The following ZNF410 variants were observed in gnomAD, a reference collection of about 807,000 sequenced individuals.
ZNF410 encodes the protein another partner for ARF 1.
Under a neutral mutation model 54.8 loss-of-function variants are expected in ZNF410, and 18 were observed. That is an observed-to-expected ratio of 0.33 (90% CI 0.23 to 0.49). The LOEUF (loss-of-function observed/expected upper bound fraction) is 0.49. ZNF410 is among the 20% of genes least tolerant of loss of function. The pLI is 0.99. For synonymous variants in ZNF410, 191 were observed against 207.3 expected (o/e 0.92, Z 0.68); for missense variants, 405 against 569.6 (o/e 0.71, Z 2.94).
chr14:73,932,214 A>G lies in ZNF410; in HGVS notation c.*673A>G, dbSNP rs1046999810. 1 of 335,518 alleles carries G rather than the reference A, an allele frequency of 3.0e-6. No homozygotes were observed. The highest frequency in any genetic ancestry group is 5.8e-6 in the Non-Finnish European group (1 of 173,350). The allele number at this position is 335,518 out of a possible 1,614,324, so 20.8% of individuals were successfully genotyped here. ...AGGGATTTCATGTTTTTGTTTTTTT[A>G]AAGTTAAAAATTACATGATGCAGAG... On this transcript the variant is annotated 3_prime_UTR_variant, in exon 12 of 12. Transcript: ENST00000555044.
At chr14:73,903,867 T>C in intron 5 of ZNF410, 93 bp from the exon 6 acceptor site, 2 of 1,477,104 alleles carry the variant, frequency 1.4e-6, no homozygotes, top group East Asian at 2.3e-5. Context: ...TGATTAATGA[T>C]CACTAGGAGT....
intron 2 of ZNF410, chr14:73,893,429 C>T (rs1392419598): frequency 5.9e-6 from 1 of 169,640 alleles, no homozygotes. Context: ...AGGCTGCAAA[C>T]CTATACAGCA....
chr14:73,899,161 T>C (rs2055367481), intron 5 of ZNF410, among the ~76,000 whole-genome samples: 1 of 147,048 alleles, frequency 6.8e-6, no homozygotes, highest in Non-Finnish European at 1.5e-5. Flanking sequence ...TATATGCTTA[T>C]TATTATTTTT....
chr14:73,907,812 G>A (rs982204939), intron 7 of ZNF410, among the ~76,000 whole-genome samples: 2 of 151,764 alleles, frequency 1.3e-5, no homozygotes, highest in Non-Finnish European at 2.9e-5. Context: ...AGAATCGCTT[G>A]AACCCAGGAG....
At chr14:73,929,637 G>C (rs2055882482) in intron 11 of ZNF410, among the ~76,000 whole-genome samples, 1 of 152,038 alleles carries the variant, frequency 6.6e-6, no homozygotes, top group African/African-American at 2.4e-5. Flanking sequence ...AGGAGTTTGA[G>C]ACCAGCCTGG....
Position 73,923,523 on chromosome 14 carries a change from G to A in ZNF410, c.1398+1G>A. The A allele has an allele frequency of 6.2e-7, 1 of 1,611,914 alleles. No individual in the cohort carries two copies. The highest frequency in any genetic ancestry group is 1.3e-5 in the African/African-American group (1 of 74,972). ...CTTAACTGCAGTAAATCCACAAGAG[G>A]TAAAGTGGTCTCTTGCCCTTTGTTT... On this transcript the variant is annotated splice_donor_variant, in intron 11 of 11. Coordinates refer to ENST00000555044, the MANE Select transcript of ZNF410 (RefSeq NM_021188.3). LOFTEE classifies it high-confidence loss of function.
At chr14:73,897,213 G>GTAGA (rs1271402764) in intron 4 of ZNF410, among the ~76,000 whole-genome samples, 1 of 152,184 alleles carries the variant, frequency 6.6e-6, no homozygotes, top group Non-Finnish European at 1.5e-5. Flanking sequence ...GGTAGCTGAG[G>GTAGA]TAGAGGCCAG....
chr14:73,897,672 T>C (rs2055340216), intron 4 of ZNF410, among the ~76,000 whole-genome samples: 1 of 151,978 alleles, frequency 6.6e-6, no homozygotes, highest in African/African-American at 2.4e-5. Context: ...ATAGCTTATT[T>C]AGGACATGGA....
intron 5 of ZNF410, among the ~76,000 whole-genome samples, chr14:73,902,582 A>G (rs968645732): frequency 1.1e-4 from 16 of 152,154 alleles, no homozygotes; most frequent in Admixed American, 2.6e-4. Flanking sequence ...AGGGGCTGTG[A>G]TAGGCACAAC....
At chr14:73,903,138 T>C (rs2055432809) in intron 5 of ZNF410, among the ~76,000 whole-genome samples, 1 of 152,180 alleles carries the variant, frequency 6.6e-6, no homozygotes, top group Admixed American at 6.5e-5. Context: ...TTTTTGTTTG[T>C]TTGTTTTTGA....
In ZNF410 at chr14:73,904,005, C is replaced by G. The variant is rs2055445367; in HGVS notation, c.626C>G (p.Ser209Cys). ...TCTGGTGATGGGCAGTCAAAAGATT[C>G]TGGGCCCCTTCCTCAAGTGGAAAAG... is the stretch of plus-strand genomic sequence containing the variant. Reference protein sequence around the residue: ...LGSGDGQSKDSGPLPQVEKKL... With the variant: ...LGSGDGQSKDCGPLPQVEKKL... The change falls in exon 6 of 12, where the codon TCT becomes TGT. Residue 209 changes from serine (S) to cysteine (C), a missense_variant. By Grantham distance (112) the Ser-to-Cys change is moderately radical (BLOSUM62 -1). Around this residue, in one of 3 missense-constraint regions of ZNF410, gnomAD observed 247 missense variants for 342.8 expected, o/e 0.72. Coordinates refer to ENST00000555044, the MANE Select transcript of ZNF410 (RefSeq NM_021188.3). 3 of 1,614,196 alleles carry G rather than the reference C, an allele frequency of 1.9e-6. No homozygotes were observed. Among genetic ancestry groups the G allele is most frequent in the Non-Finnish European group, 2.5e-6 (3 of 1,180,044 alleles).
At chr14:73,906,046 T>C (rs2055485794) in intron 7 of ZNF410, among the ~76,000 whole-genome samples, 1 of 150,162 alleles carries the variant, frequency 6.7e-6, no homozygotes, top group East Asian at 2.0e-4. Flanking sequence ...GTTGCCAGGC[T>C]GGAGTGCAGT....
intron 3 of ZNF410, among the ~76,000 whole-genome samples, chr14:73,895,696 G>A (rs2055306805): frequency 6.6e-6 from 1 of 152,176 alleles, no homozygotes; most frequent in Non-Finnish European, 1.5e-5. Flanking sequence ...CGGGCGTGGT[G>A]GCTCATGCCT....
intron 5 of ZNF410, among the ~76,000 whole-genome samples, chr14:73,899,271 C>CT (rs1368723322): frequency 2.9e-3 from 418 of 145,532 alleles, no homozygotes; most frequent in Non-Finnish European, 4.6e-3. Flanking sequence ...TTTTTTTGGT[C>CT]TTTTTTTTTC....
intron 8 of ZNF410, chr14:73,916,873 T>G (rs1260901184): frequency 1.3e-5 from 2 of 151,838 alleles, no homozygotes; most frequent in African/African-American, 4.8e-5. Flanking sequence ...CCCAGCTACT[T>G]GAAAGGCTGA....
intron 5 of ZNF410, among the ~76,000 whole-genome samples, chr14:73,899,091 T>C (rs998097049): frequency 2.0e-5 from 3 of 152,162 alleles, no homozygotes; most frequent in Non-Finnish European, 4.4e-5. Context: ...GCTATCATTA[T>C]CACAAACTAA....
At chr14:73,919,894 T>G (rs963784975) in intron 8 of ZNF410, among the ~76,000 whole-genome samples, 1 of 145,708 alleles carries the variant, frequency 6.9e-6, no homozygotes, top group African/African-American at 2.5e-5. Context: ...AGGTTTTTTT[T>G]TTTTTTTTTT....
At chr14:73,905,350 A>G in intron 7 of ZNF410, 1 of 336,224 alleles carries the variant, frequency 3.0e-6, no homozygotes, top group Non-Finnish European at 5.4e-6. Flanking sequence ...CTCAGACAAC[A>G]ATGATGTGGG....
chr14:73,922,098 G>A lies in ZNF410; in HGVS notation c.1162G>A (p.Glu388Lys). The change falls in exon 10 of 12, where the codon GAG (glutamate) becomes AAG (lysine). Residue 388 changes from glutamate (E) to lysine (K), a missense_variant. Physicochemically the swap from Glu to Lys is moderately conservative, Grantham distance 56. Transcript: ENST00000555044. ...EPLMGSSLLE[E>K]ASVPSKNLVS... ...ACTAATGGGCAGTAGTTTGCTTGAAGAGGCTTCAGTACCCAGTAAAAACCT... is the reference window on the plus strand; with the variant it reads ...ACTAATGGGCAGTAGTTTGCTTGAAAAGGCTTCAGTACCCAGTAAAAACCT... The A allele has an allele frequency of 6.2e-7, 1 of 1,614,102 alleles. No individual in the cohort carries two copies. The highest frequency in any genetic ancestry group is 8.5e-7 in the Non-Finnish European group (1 of 1,179,998).
Sources: gnomAD v4.1 joint callset for allele counts (sites outside exome capture counted in the v4.1 genomes callset) on GRCh38, gnomAD v4.1.1 for gene constraint, gnomAD v4.1.1 regional missense constraint, MANE v1.5 for transcripts, NCBI Gene and HGNC (gene_info 2026-07-23, HGNC 2026-07-21) for gene names.